PABPC1: variants seen among roughly 807,000 people sequenced by gnomAD.
PABPC1 encodes the protein poly(A) binding protein cytoplasmic 1.
A neutral mutation model predicts 74.0 loss-of-function variants in PABPC1; 4 were observed. The observed-to-expected ratio is 0.05, with a 90% CI of 0.03 to 0.12. The LOEUF (loss-of-function observed/expected upper bound fraction) is 0.12. Ranked by LOEUF, PABPC1 falls within the 10% of genes least tolerant of loss-of-function variation. PABPC1 has a pLI of 1.00. For missense variants in PABPC1, 271 were observed against 821.1 expected (o/e 0.33, Z 8.19); for synonymous variants, 227 against 264.1 (o/e 0.86, Z 1.36).
chr8:100,720,164 GGAAA>G (rs1245118024), intron 1 of PABPC1, among the ~76,000 whole-genome samples: 1 of 152,066 alleles, frequency 6.6e-6, no homozygotes, highest in East Asian at 1.9e-4. Context: ...CTGTAGGGGG[GGAAA>G]AAGGCAAAAT....
At chr8:100,708,974 A>G (rs1223367010) in intron 9 of PABPC1, among the ~76,000 whole-genome samples, 159 bp downstream of exon 9, 1 of 152,248 alleles carries the variant, frequency 6.6e-6, no homozygotes, top group African/African-American at 2.4e-5. Flanking sequence ...AGACATTACT[A>G]TCTTAGCACT....
At position 100,704,920 on chromosome 8, in the gene PABPC1, A is replaced by T; in HGVS notation, c.1818+6T>A. 6.2e-7 allele frequency: 1 copy of T among 1,610,990 alleles called. No individual in the cohort carries two copies. Among genetic ancestry groups the T allele is most frequent in the Non-Finnish European group, 8.5e-7 (1 of 1,179,562 alleles). ...AGAGGCAACTTGGTAAATAAATTTAAATCACCTTAGAACGGAGTGACTCTG... is the reference window on the plus strand; with the variant it reads ...AGAGGCAACTTGGTAAATAAATTTATATCACCTTAGAACGGAGTGACTCTG... On this transcript the variant is annotated splice_donor_region_variant and intron_variant, in intron 13 of 14. Coordinates refer to ENST00000318607, the MANE Select transcript of PABPC1 (RefSeq NM_002568.4).
At chr8:100,709,259 A>C in intron 8 of PABPC1, 36 bp from the exon 9 acceptor site, 1 of 1,577,138 alleles carries the variant, frequency 6.3e-7, no homozygotes, top group Non-Finnish European at 8.7e-7. Context: ...TTATCAGTTG[A>C]AGAAAAAAGC....
chr8:100,721,752 A>G lies in PABPC1; in HGVS notation c.-169T>C, dbSNP rs1810839441. The G allele has an allele frequency of 3.7e-6, 2 of 537,650 alleles. No homozygotes were observed. The highest frequency in any genetic ancestry group is 3.9e-5 in the Admixed American group (1 of 25,744). The allele number at this position is 537,650 out of a possible 1,614,324, so 33.3% of individuals were successfully genotyped here. A position where few individuals can be genotyped will look rare whatever the true frequency, so the allele number is the denominator to read the frequency against. On this transcript the variant is annotated 5_prime_UTR_variant, in exon 1 of 15. Transcript: ENST00000318607. The surrounding 1 kb of genome is among the most constrained non-coding windows in gnomAD (Gnocchi z 7.4). ...ACTCAACGGCCGCAGAACGGGGTCG[A>G]TCCACTGCCGCTGGCTGCCGGCTGC...
At chr8:100,713,524 C>A (rs921912417) in intron 4 of PABPC1, among the ~76,000 whole-genome samples, 2 of 152,120 alleles carry the variant, frequency 1.3e-5, no homozygotes, top group Non-Finnish European at 2.9e-5. Flanking sequence ...GTATATCATT[C>A]CATTGCCCAG....
At chr8:100,711,648 T>C (rs1005783896) in intron 7 of PABPC1, among the ~76,000 whole-genome samples, 1 of 152,234 alleles carries the variant, frequency 6.6e-6, no homozygotes, top group African/African-American at 2.4e-5. Flanking sequence ...AAGACAACCA[T>C]GGCACTTCCA....
chr8:100,718,845 G>C (rs896786599), intron 1 of PABPC1, among the ~76,000 whole-genome samples: 2 of 152,080 alleles, frequency 1.3e-5, no homozygotes, highest in African/African-American at 4.8e-5. Flanking sequence ...AGTGATTCAT[G>C]GCACAACTTC....
rs761732084 is a variant in PABPC1, at chr8:100,712,792, TC to T, written c.739-4del. The T allele has an allele frequency of 3.3e-6, 5 of 1,498,068 alleles. No homozygotes were observed. Among genetic ancestry groups the T allele is most frequent in the African/African-American group, 3.8e-5 (2 of 52,480 alleles). 92.8% of individuals were successfully genotyped at this position (1,498,068 alleles called of 1,614,324 possible). ...TTTCCGTTCATCTCATCCACAGCCT[TC>T]CCCCCAAAAAAAAAGAAAAAAAAAA... On this transcript the variant is annotated splice_polypyrimidine_tract_variant and splice_region_variant and intron_variant, in intron 5 of 14. Transcript: ENST00000318607.
intron 4 of PABPC1, among the ~76,000 whole-genome samples, chr8:100,713,998 C>T (rs552661860): frequency 2.6e-5 from 4 of 152,252 alleles, no homozygotes; most frequent in Admixed American, 2.0e-4. Flanking sequence ...GACATGTTTT[C>T]CCCTAACTCC....
chr8:100,709,023 A>G, intron 9 of PABPC1, 110 bp downstream of exon 9: 1 of 864,180 alleles, frequency 1.2e-6, no homozygotes, highest in South Asian at 1.5e-5. Context: ...CATAACCACA[A>G]ATTATGTGAA....
intron 7 of PABPC1, among the ~76,000 whole-genome samples, chr8:100,712,014 G>C (rs1810539801): frequency 6.6e-6 from 1 of 152,238 alleles, no homozygotes; most frequent in South Asian, 2.1e-4. Flanking sequence ...GCAGGGGAGG[G>C]AACTGGGGCT....
At chr8:100,709,787 A>T in intron 7 of PABPC1, 56 bp from the exon 8 acceptor site, 1 of 1,488,650 alleles carries the variant, frequency 6.7e-7, no homozygotes. Flanking sequence ...GAGCAAAAAA[A>T]GAGCGTTACA....
At chr8:100,706,855 G>A (rs537383716) in intron 10 of PABPC1, 32 bp downstream of exon 10, 4 of 1,152,368 alleles carry the variant, frequency 3.5e-6, no homozygotes, top group Non-Finnish European at 3.3e-6. Flanking sequence ...TCAAATTGGT[G>A]ATCAATTTTT....
chr8:100,705,748 T>A, intron 11 of PABPC1, 75 bp from the exon 12 acceptor site: 3 of 919,870 alleles, frequency 3.3e-6, no homozygotes, highest in Non-Finnish European at 5.3e-6. Flanking sequence ...TCAATGGACA[T>A]CTGCTGAAGT....
rs1416060949 is a variant in PABPC1 at position 100,715,471 on chromosome 8, C to G, written c.634G>C (p.Gly212Arg). 6.2e-7 allele frequency: 1 copy of G among 1,600,622 alleles called. No homozygotes were observed. Among genetic ancestry groups the G allele is most frequent in the African/African-American group, 1.3e-5 (1 of 74,552 alleles). The change falls in exon 4 of 15, where the codon GGC (glycine) becomes CGC (arginine). Residue 212 changes from glycine to arginine, a missense_variant. By Grantham distance (125) the Gly-to-Arg change is moderately radical. Around this residue, in one of 7 missense-constraint regions of PABPC1, gnomAD observed 78 missense variants for 202.8 expected, o/e 0.38. Coordinates refer to ENST00000318607, the MANE Select transcript of PABPC1 (RefSeq NM_002568.4). ...AATTAAGACACATTACCAAACTTGC[C>G]AAAGAGATCCTTAAGGCGCTCATCA... The part of the protein sequence containing the change: ...MDDERLKDLF[G>R]KFGPALSVKV...
intron 13 of PABPC1, among the ~76,000 whole-genome samples, 191 bp downstream of exon 13, chr8:100,704,735 A>C (rs376879127): frequency 1.3e-5 from 2 of 152,368 alleles, no homozygotes; most frequent in East Asian, 1.9e-4. Flanking sequence ...AGCATTTGGC[A>C]AATTATTCAG....
chr8:100,707,098 A>G (rs1004244914), intron 9 of PABPC1, 101 bp from the exon 10 acceptor site: 29 of 814,790 alleles, frequency 3.6e-5, no homozygotes, highest in East Asian at 5.5e-5. Flanking sequence ...AAAAGACTAA[A>G]AAGTGACAAA....
Position 100,704,986 on chromosome 8 carries a change from C to T in PABPC1, c.1758G>A (p.Leu586=), listed in dbSNP as rs776115863. The T allele has an allele frequency of 2.5e-6, 4 of 1,613,554 alleles. No individual in the cohort carries two copies. The highest frequency in any genetic ancestry group is 2.5e-6 in the Non-Finnish European group (3 of 1,179,904). ...TLAGKITGML[L]EIDNSELLHM... is the part of the protein sequence containing the mutation. Reference sequence around the variant, plus strand: ...GAAGAAGTTCTGAATTATCAATCTCCAACAACATGCCAGTGATTTTACCAG... The same window carrying T: ...GAAGAAGTTCTGAATTATCAATCTCTAACAACATGCCAGTGATTTTACCAG... The change falls in exon 13 of 15, where the codon TTG becomes TTA. Residue 586 remains leucine, a synonymous_variant. Transcript: ENST00000318607.
chr8:100,707,109 A>G, intron 9 of PABPC1, 112 bp from the exon 10 acceptor site: 3 of 730,750 alleles, frequency 4.1e-6, no homozygotes, highest in Non-Finnish European at 6.8e-6. Flanking sequence ...AAGTGACAAA[A>G]CTTTTTAAAG....
Sources: gnomAD v4.1 joint callset for allele counts (sites outside exome capture counted in the v4.1 genomes callset) on GRCh38, gnomAD v4.1.1 for gene constraint, gnomAD v4.1.1 regional missense constraint, Gnocchi (gnomAD v3.1) non-coding constraint, MANE v1.5 for transcripts, NCBI Gene and HGNC (gene_info 2026-07-23, HGNC 2026-07-21) for gene names.